RAPGEF5: variants seen among roughly 807,000 people sequenced by gnomAD.
The protein encoded by RAPGEF5 is Rap guanine nucleotide exchange factor 5.
In RAPGEF5, 65 loss-of-function variants were observed where a neutral mutation model predicts 125.2. The ratio of observed to expected loss-of-function variants is 0.52; its 90% CI spans 0.43 to 0.64. The LOEUF is 0.64. RAPGEF5 is among the 30% of genes least tolerant of loss of function. The probability of loss-of-function intolerance (pLI) is 0.00; values close to 1 mark genes in which losing one functional copy is unlikely to be tolerated. For synonymous variants in RAPGEF5, 391 were observed against 385.9 expected (o/e 1.01, Z -0.16); for missense variants, 958 against 1,048.1 (o/e 0.91, Z 1.19).
chr7:22,267,254 A>AC (rs1211974894), intron 6 of RAPGEF5, among the ~76,000 whole-genome samples: 1 of 152,204 alleles, frequency 6.6e-6, no homozygotes, highest in African/African-American at 2.4e-5. Context: ...CAGAATGTAT[A>AC]CATTGTAAAA....
intron 1 of RAPGEF5, among the ~76,000 whole-genome samples, chr7:22,337,879 T>A (rs974101018): frequency 3.9e-5 from 6 of 152,220 alleles, no homozygotes; most frequent in African/African-American, 1.4e-4. Flanking sequence ...CACTCACATT[T>A]ATATCTAATG....
intron 5 of RAPGEF5, chr7:22,298,770 A>G (rs1783126367): frequency 6.6e-6 from 1 of 152,254 alleles, no homozygotes; most frequent in South Asian, 2.1e-4. Context: ...AAGGGCATCA[A>G]CTACAAATTC....
intron 25 of RAPGEF5, 196 bp downstream of exon 25, chr7:22,125,408 T>A: frequency 1.9e-6 from 1 of 531,282 alleles, no homozygotes; most frequent in East Asian, 3.3e-5. Flanking sequence ...TAATCTGCCA[T>A]ATCTTGTCTT....
rs1209145561 is a variant in RAPGEF5, at chr7:22,149,486, A to G, written c.1884+921T>C. ...GACAGATCTGAAGTCTGGTCCTCCT[A>G]TTCAGAAGCCAATCCCAGGACTGAG... is the stretch of plus-strand genomic sequence containing the variant. On this transcript the variant is annotated intron_variant, in intron 18 of 25. Coordinates refer to ENST00000665637, the MANE Select transcript of RAPGEF5 (RefSeq NM_012294.5). Among the ~76,000 whole-genome samples, 8 of 152,230 alleles carry G rather than the reference A, an allele frequency of 5.3e-5. No homozygotes were observed. In the South Asian group the frequency reaches 1.7e-3, roughly 32 times the overall value.
chr7:22,325,669 G>A (rs988301725), intron 1 of RAPGEF5, among the ~76,000 whole-genome samples: 1 of 152,078 alleles, frequency 6.6e-6, no homozygotes, highest in Non-Finnish European at 1.5e-5. Context: ...AGACTCAAGC[G>A]ATCCTTCCAC....
chr7:22,267,008 T>C lies in RAPGEF5; in HGVS notation c.752A>G (p.Gln251Arg), dbSNP rs571026804. The change falls in exon 7 of 26, where the codon CAG becomes CGG. Residue 251 changes from glutamine (Q) to arginine (R), a missense_variant. Physicochemically the swap from Gln to Arg is conservative, Grantham distance 43. Transcript: ENST00000665637. ...EILVRLTSAV[Q>R]RELAAVIALK... ...AGCAATAACAGCTGCTAGCTCTCTC[T>C]GCACCTAATAAAATATTAGGGGGGA... The C allele has an allele frequency of 5.0e-6, 8 of 1,608,524 alleles. No individual in the cohort carries two copies. In the East Asian group the frequency reaches 1.1e-4, roughly 22 times the overall value.
At chr7:22,329,650 G>A (rs1362163) in intron 1 of RAPGEF5, among the ~76,000 whole-genome samples, 134,127 of 152,246 alleles carry the variant, frequency 0.88, 59,444 homozygotes, top group East Asian at 1. Flanking sequence ...ATACACCAAA[G>A]CGCTAACAGA....
chr7:22,126,538 C>G (rs149307645), intron 24 of RAPGEF5, among the ~76,000 whole-genome samples: 103 of 152,314 alleles, frequency 6.8e-4, no homozygotes, highest in Admixed American at 2.2e-3. Flanking sequence ...CTTGTAGATT[C>G]AAAGGTTCAA....
At chr7:22,182,654 A>G (rs528814423) in intron 11 of RAPGEF5, among the ~76,000 whole-genome samples, 67 of 152,336 alleles carry the variant, frequency 4.4e-4, no homozygotes, top group African/African-American at 1.5e-3. Flanking sequence ...CTTTCAAAAG[A>G]AATGAAACCC....
intron 5 of RAPGEF5, among the ~76,000 whole-genome samples, chr7:22,304,351 A>G (rs1783282369): frequency 6.6e-6 from 1 of 152,172 alleles, no homozygotes; most frequent in South Asian, 2.1e-4. Flanking sequence ...AACAGAAAAA[A>G]CTTGCTGATA....
intron 6 of RAPGEF5, among the ~76,000 whole-genome samples, chr7:22,288,780 G>T (rs1348325001): frequency 4.6e-5 from 7 of 152,090 alleles, no homozygotes. Context: ...GTTCGTTTTT[G>T]AAGTCATCTT....
intron 21 of RAPGEF5, 124 bp from the exon 22 acceptor site, chr7:22,137,107 A>G (rs1032582974): frequency 1.4e-6 from 1 of 698,862 alleles, no homozygotes. Context: ...TACCTCTATC[A>G]TCTGTTCAAT....
chr7:22,259,857 C>T (rs1583525960), intron 7 of RAPGEF5, among the ~76,000 whole-genome samples: 1 of 152,206 alleles, frequency 6.6e-6, no homozygotes, highest in South Asian at 2.1e-4. Context: ...CTTGGCCTCC[C>T]AAAGCGCTAG....
At chr7:22,126,743 A>G (rs1356948672) in intron 24 of RAPGEF5, among the ~76,000 whole-genome samples, 1 of 132,202 alleles carries the variant, frequency 7.6e-6, no homozygotes, top group East Asian at 2.3e-4. Context: ...CCTCCTGAGT[A>G]GCTGGGATTA....
intron 1 of RAPGEF5, among the ~76,000 whole-genome samples, chr7:22,351,283 A>C (rs1214569957): frequency 6.6e-6 from 1 of 152,200 alleles, no homozygotes; most frequent in African/African-American, 2.4e-5. Context: ...CCCTAAACCC[A>C]ATATGTCAAT....
At chr7:22,265,706 G>A (rs534947456) in intron 7 of RAPGEF5, among the ~76,000 whole-genome samples, 1 of 152,218 alleles carries the variant, frequency 6.6e-6, no homozygotes, top group South Asian at 2.1e-4. Context: ...CAGTTTATGA[G>A]AGTTTCCCTT....
chr7:22,346,871 A>G (rs1198986856), intron 1 of RAPGEF5, among the ~76,000 whole-genome samples: 1 of 152,228 alleles, frequency 6.6e-6, no homozygotes, highest in Non-Finnish European at 1.5e-5. Flanking sequence ...CAAGAAGTCA[A>G]TGTCCCATGA....
At chr7:22,317,835 T>C (rs1783633733) in intron 2 of RAPGEF5, among the ~76,000 whole-genome samples, 152 bp downstream of exon 2, 1 of 152,196 alleles carries the variant, frequency 6.6e-6, no homozygotes, top group Admixed American at 6.5e-5. Flanking sequence ...TGCTGTGTCA[T>C]CCCAGGTGGT....
At chr7:22,286,392 T>C (rs1416247557) in intron 6 of RAPGEF5, among the ~76,000 whole-genome samples, 1 of 152,232 alleles carries the variant, frequency 6.6e-6, no homozygotes, top group Non-Finnish European at 1.5e-5. Flanking sequence ...TGTTTGACAA[T>C]TAGACTATGA....
Sources: allele counts gnomAD v4.1 joint callset (sites outside exome capture counted in the v4.1 genomes callset), GRCh38; gene constraint gnomAD v4.1.1; transcripts MANE v1.5; gene names NCBI Gene and HGNC (gene_info 2026-07-23, HGNC 2026-07-21).